Variants in LIMA1 observed in about 807,000 individuals in gnomAD.
The protein encoded by LIMA1 is LIM domain and actin-binding protein 1.
A neutral mutation model predicts 62.6 loss-of-function variants in LIMA1; 52 were observed. The observed-to-expected ratio is 0.83, with a 90% CI of 0.67 to 1.05. The LOEUF (loss-of-function observed/expected upper bound fraction) is 1.05. LIMA1 is among the 50% of genes least tolerant of loss of function. The probability of loss-of-function intolerance (pLI) is 0.00; values close to 1 mark genes in which losing one functional copy is unlikely to be tolerated. For synonymous variants in LIMA1, 302 were observed against 317.8 expected, an observed-to-expected ratio of 0.95 and a Z score of 0.53; for missense variants, 780 against 902.2, an observed-to-expected ratio of 0.86 and a Z score of 1.74.
At chr12:50,268,594 AATT>A (rs140101130) in intron 1 of LIMA1, among the ~76,000 whole-genome samples, 27 of 149,230 alleles carry the variant, frequency 1.8e-4, no homozygotes, top group African/African-American at 5.4e-4. Context: ...GCCATGAAGC[AATT>A]ATTATTATTA....
At chr12:50,179,174 G>A (rs1214142542) in intron 10 of LIMA1, among the ~76,000 whole-genome samples, 2 of 149,786 alleles carry the variant, frequency 1.3e-5, no homozygotes, top group African/African-American at 2.5e-5. Context: ...TTAGAGTCTC[G>A]CTCTGTCGCC....
intron 3 of LIMA1, chr12:50,222,746 A>C (rs761789134): frequency 5.0e-5 from 63 of 1,249,864 alleles, no homozygotes; most frequent in Non-Finnish European, 1.1e-5. Context: ...AAATGAGAAG[A>C]AAGGCAAACC....
chr12:50,280,827 G>A (rs1942332064), intron 1 of LIMA1, among the ~76,000 whole-genome samples: 1 of 152,120 alleles, frequency 6.6e-6, no homozygotes, highest in Non-Finnish European at 1.5e-5. Context: ...GCTGTGTTAA[G>A]TAACCTCACC....
At chr12:50,258,639 CTTTTTTTTTTT>C (rs34324226) in intron 1 of LIMA1, among the ~76,000 whole-genome samples, 2 of 67,384 alleles carry the variant, frequency 3.0e-5, no homozygotes, top group African/African-American at 7.9e-5. Flanking sequence ...TCTACCTATA[CTTTTTTTTTTT>C]TTTTTTTTTT....
At chr12:50,203,007 C>G (rs943765464) in intron 6 of LIMA1, among the ~76,000 whole-genome samples, 2 of 136,642 alleles carry the variant, frequency 1.5e-5, no homozygotes, top group Non-Finnish European at 3.1e-5. Context: ...AAGGTAACTT[C>G]CTTTTTTTTT....
chr12:50,280,280 G>A (rs1463629457), intron 1 of LIMA1, among the ~76,000 whole-genome samples: 3 of 146,032 alleles, frequency 2.1e-5, no homozygotes, highest in Non-Finnish European at 4.5e-5. Context: ...TCAGCCTCCC[G>A]AGTAGCTAGG....
intron 4 of LIMA1, among the ~76,000 whole-genome samples, chr12:50,207,722 C>T (rs1941178676): frequency 6.6e-6 from 1 of 151,880 alleles, no homozygotes; most frequent in African/African-American, 2.4e-5. Context: ...GACCCTGTCT[C>T]TACTAAAAAT....
At chr12:50,263,783 C>CTGTGTG (rs1384788560) in intron 1 of LIMA1, among the ~76,000 whole-genome samples, 3 of 104,360 alleles carry the variant, frequency 2.9e-5, no homozygotes, top group African/African-American at 8.8e-5. Context: ...AATTCCATTC[C>CTGTGTG]TCTGTGTGTG....
chr12:50,193,562 GTATATA>G (rs1328010933), intron 8 of LIMA1, among the ~76,000 whole-genome samples: 3 of 102,974 alleles, frequency 2.9e-5, no homozygotes, highest in Non-Finnish European at 5.7e-5. Flanking sequence ...TATCATATAT[GTATATA>G]TGATATATAT....
At chr12:50,281,509 G>A (rs1487847633) in intron 1 of LIMA1, among the ~76,000 whole-genome samples, 1 of 152,104 alleles carries the variant, frequency 6.6e-6, no homozygotes, top group Non-Finnish European at 1.5e-5. Context: ...CCAAGTTAAA[G>A]AAAGTTATAC....
chr12:50,281,243 T>C (rs551727476), intron 1 of LIMA1, among the ~76,000 whole-genome samples: 1 of 152,038 alleles, frequency 6.6e-6, no homozygotes, highest in African/African-American at 2.4e-5. Context: ...CCAGAGAAAA[T>C]ATAAGAATTT....
At chr12:50,245,820 A>G (rs1457120324) in intron 2 of LIMA1, among the ~76,000 whole-genome samples, 2 of 152,174 alleles carry the variant, frequency 1.3e-5, no homozygotes, top group African/African-American at 4.8e-5. Context: ...TGAGCCTGAA[A>G]GCACATGTCT....
chr12:50,270,604 C>CAAAAAAAAAAAAAAAAAAAAAAAAA (rs150300834), intron 1 of LIMA1, among the ~76,000 whole-genome samples: 1 of 71,696 alleles, frequency 1.4e-5, no homozygotes, highest in Non-Finnish European at 2.6e-5. Flanking sequence ...GACCTTATCT[C>CAAAAAAAAAAAAAAAAAAAAAAAAA]AAAAAAAAAA....
chr12:50,216,670 A>G (rs1941350371), intron 4 of LIMA1, among the ~76,000 whole-genome samples: 1 of 151,938 alleles, frequency 6.6e-6, no homozygotes, highest in African/African-American at 2.4e-5. Flanking sequence ...AGACCAGCCT[A>G]TCCAACATAG....
intron 2 of LIMA1, among the ~76,000 whole-genome samples, chr12:50,241,042 A>G (rs759216453): frequency 3.3e-5 from 5 of 152,334 alleles, no homozygotes; most frequent in South Asian, 2.1e-4. Context: ...ATTTAGCAAC[A>G]TGGAAGTGTT....
intron 9 of LIMA1, chr12:50,185,262 A>C (rs1940604634): frequency 2.4e-5 from 10 of 412,612 alleles, no homozygotes; most frequent in South Asian, 1.8e-4. Flanking sequence ...GCTAAAGGGG[A>C]ACTGAAGGAC....
Position 50,222,440 on chromosome 12 carries a change from C to T in LIMA1, c.211G>A (p.Val71Met). ...SQHFRKGTLT[V>M]LKKKWENPGL... ...GGGTTCTCCCACTTCTTCTTTAACA[C>T]AGTCAGGGTCCCCTTTCTAAAGTGC... is the stretch of plus-strand genomic sequence containing the variant. Residue 71 changes from valine (V) to methionine (M), a missense_variant, in exon 4 of 11, where the codon GTG (valine) becomes ATG (methionine). Coordinates refer to ENST00000341247, the MANE Select transcript of LIMA1 (RefSeq NM_016357.5). 2 of 1,614,208 alleles carry T rather than the reference C, an allele frequency of 1.2e-6. No homozygotes were observed. Among genetic ancestry groups the T allele is most frequent in the Non-Finnish European group, 1.7e-6 (2 of 1,180,032 alleles).
At chr12:50,193,817 AC>A (rs1940863087) in intron 8 of LIMA1, among the ~76,000 whole-genome samples, 1 of 146,512 alleles carries the variant, frequency 6.8e-6, no homozygotes, top group African/African-American at 2.5e-5. Flanking sequence ...GATGCATGCC[AC>A]CATGCCCAGC....
chr12:50,246,923 CAT>C (rs1392421260), intron 2 of LIMA1, among the ~76,000 whole-genome samples: 1 of 152,160 alleles, frequency 6.6e-6, no homozygotes, highest in Non-Finnish European at 1.5e-5. Context: ...TTGTTAAAAA[CAT>C]AATTTCCTGG....
Sources: gnomAD v4.1 joint callset for allele counts (sites outside exome capture counted in the v4.1 genomes callset) on GRCh38, gnomAD v4.1.1 for gene constraint, MANE v1.5 for transcripts, NCBI Gene and HGNC (gene_info 2026-07-23, HGNC 2026-07-21) for gene names.